Variants in C4BPA observed in about 807,000 individuals in gnomAD.
C4BPA encodes C4b-binding protein alpha chain.
A neutral mutation model predicts 63.7 loss-of-function variants in C4BPA; 31 were observed. The ratio of observed to expected loss-of-function variants is 0.49; its 90% confidence interval spans 0.37 to 0.66. The LOEUF (loss-of-function observed/expected upper bound fraction) is 0.66. C4BPA is among the 30% of genes least tolerant of loss of function. The probability of loss-of-function intolerance (pLI) is 0.00; values close to 1 mark genes in which losing one functional copy is unlikely to be tolerated. For missense variants in C4BPA, 572 were observed against 723.3 expected, an observed-to-expected ratio of 0.79 and a Z score of 2.40; for synonymous variants, 259 against 254.7, an observed-to-expected ratio of 1.02 and a Z score of -0.16.
rs1177144355 is a variant in C4BPA at position 207,144,945 on chromosome 1, C to T, written c.*228C>T. On this transcript the variant is annotated 3_prime_UTR_variant, in exon 12 of 12. Coordinates refer to ENST00000367070, the MANE Select transcript of C4BPA (RefSeq NM_000715.4). ...AACACACAAAGCACAAATTTTTTTTCGATTAAAAATGTATGTATAAAAAAC... is the reference window on the plus strand; with the variant it reads ...AACACACAAAGCACAAATTTTTTTTTGATTAAAAATGTATGTATAAAAAAC... 6 of 277,578 alleles carry T rather than the reference C, an allele frequency of 2.2e-5. No homozygotes were observed. Among genetic ancestry groups the T allele is most frequent in the African/African-American group, 4.4e-5 (2 of 45,306 alleles). The allele number at this position is 277,578 out of a possible 1,614,324, so 17.2% of individuals were successfully genotyped here. A position where few individuals can be genotyped will look rare whatever the true frequency, so the allele number is the denominator to read the frequency against.
chr1:207,112,972 C>A, intron 1 of C4BPA, 29 bp from the exon 2 acceptor site: 1 of 1,530,478 alleles, frequency 6.5e-7, no homozygotes, highest in Non-Finnish European at 8.7e-7. Context: ...AATTCAATGA[C>A]TATTTATTAA....
intron 2 of C4BPA, 78 bp downstream of exon 2, chr1:207,113,245 A>G: frequency 6.8e-7 from 1 of 1,476,570 alleles, no homozygotes; most frequent in South Asian, 1.3e-5. Context: ...GGCTAAAAAA[A>G]ATGATGACTG....
In C4BPA at chr1:207,131,662, T is replaced by C; in HGVS notation, c.1006T>C (p.Tyr336His). The C allele has an allele frequency of 1.2e-6, 2 of 1,614,004 alleles. No homozygotes were observed. The highest frequency in any genetic ancestry group is 8.5e-7 in the Non-Finnish European group (1 of 1,179,922). Residue 336 changes from tyrosine (Y) to histidine (H), a missense_variant, in exon 8 of 12, where the codon TAC (tyrosine) becomes CAC (histidine). Around this residue, in one of 2 missense-constraint regions of C4BPA, gnomAD observed 465 missense variants for 629.4 expected, o/e 0.74. Coordinates refer to ENST00000367070, the MANE Select transcript of C4BPA (RefSeq NM_000715.4). ...GTTAAGGTACCGCTGTCATCCTGGC[T>C]ACAAACCCACTACAGATGAGCCTAC... ...TVLRYRCHPG[Y>H]KPTTDEPTTV... is the part of the protein sequence containing the mutation.
At chr1:207,133,563 G>A (rs1227076027) in intron 8 of C4BPA, among the ~76,000 whole-genome samples, 1 of 152,180 alleles carries the variant, frequency 6.6e-6, no homozygotes, top group African/African-American at 2.4e-5. Context: ...AGGAGTTTGA[G>A]ATCAGCCTGG....
intron 9 of C4BPA, among the ~76,000 whole-genome samples, chr1:207,140,582 T>C (rs993560658): frequency 3.3e-5 from 5 of 152,266 alleles, no homozygotes; most frequent in African/African-American, 1.2e-4. Context: ...CTGCACCATG[T>C]CCTCTTGACT....
chr1:207,106,150 C>T (rs1424495353), intron 1 of C4BPA, among the ~76,000 whole-genome samples: 2 of 152,132 alleles, frequency 1.3e-5, no homozygotes, highest in African/African-American at 4.8e-5. Flanking sequence ...GTTCTAGCCT[C>T]CATTCCCATA....
At chr1:207,112,902 G>A in intron 1 of C4BPA, 99 bp from the exon 2 acceptor site, 3 of 1,160,232 alleles carry the variant, frequency 2.6e-6, no homozygotes, top group East Asian at 2.7e-5. Context: ...ACTCCAGGCT[G>A]TCATTTCCTT....
chr1:207,131,171 C>A (rs61821017), intron 7 of C4BPA, among the ~76,000 whole-genome samples: 1 of 152,124 alleles, frequency 6.6e-6, no homozygotes, highest in African/African-American at 2.4e-5. Context: ...ATGAGGGGAA[C>A]GGCTCCTGTT....
chr1:207,128,035 G>C (rs1020719333), intron 7 of C4BPA, among the ~76,000 whole-genome samples: 1 of 152,118 alleles, frequency 6.6e-6, no homozygotes, highest in Admixed American at 6.6e-5. Flanking sequence ...CCCCAACTCC[G>C]ATTATATGGG....
chr1:207,136,216 C>T (rs1020312585), intron 9 of C4BPA, among the ~76,000 whole-genome samples: 1 of 152,174 alleles, frequency 6.6e-6, no homozygotes, highest in Non-Finnish European at 1.5e-5. Context: ...TGCTGTTGGG[C>T]CCATGCTTGT....
chr1:207,110,157 C>T (rs960195487), intron 1 of C4BPA, among the ~76,000 whole-genome samples: 5 of 152,052 alleles, frequency 3.3e-5, no homozygotes, highest in African/African-American at 1.2e-4. Flanking sequence ...AGACCAAGTC[C>T]GAATCAGAGT....
chr1:207,144,310 C>G (rs1685484339), intron 11 of C4BPA, among the ~76,000 whole-genome samples: 1 of 152,126 alleles, frequency 6.6e-6, no homozygotes, highest in Non-Finnish European at 1.5e-5. Context: ...GGATGGTCAG[C>G]AAAAACAGCC....
At chr1:207,132,295 G>A (rs1328301460) in intron 8 of C4BPA, among the ~76,000 whole-genome samples, 1 of 152,210 alleles carries the variant, frequency 6.6e-6, no homozygotes, top group East Asian at 1.9e-4. Flanking sequence ...TCTCTGGTAG[G>A]AGACGCACCT....
At chr1:207,127,510 A>G (rs1381511460) in intron 7 of C4BPA, 1 of 152,242 alleles carries the variant, frequency 6.6e-6, no homozygotes, top group Non-Finnish European at 1.5e-5. Context: ...CAGAGGTTAA[A>G]AGACTTGCTC....
chr1:207,126,425 T>G (rs1431286836), intron 6 of C4BPA, among the ~76,000 whole-genome samples: 1 of 148,868 alleles, frequency 6.7e-6, no homozygotes, highest in Non-Finnish European at 1.5e-5. Flanking sequence ...AAAATGAGTT[T>G]CCATTACATT....
In C4BPA at chr1:207,105,499, G is replaced by A. The variant is rs144409358; in HGVS notation, c.-26+1069G>A. 5.0e-3 allele frequency among the ~76,000 whole-genome samples: 753 copies of A among 150,440 alleles called. 7 individuals carry two copies. Among genetic ancestry groups the A allele is most frequent in the African/African-American group, 0.018 (723 of 40,768 alleles). On this transcript the variant is annotated intron_variant, in intron 1 of 11. Transcript: ENST00000367070. ...TTGAACCAGGGAGGCAGAGGTTGGGGTGAGCTGAGATCGTGCCATTGCACT... is the reference window on the plus strand; with the variant it reads ...TTGAACCAGGGAGGCAGAGGTTGGGATGAGCTGAGATCGTGCCATTGCACT...
At chr1:207,108,125 A>AATTATT (rs926397784) in intron 1 of C4BPA, among the ~76,000 whole-genome samples, 1 of 151,932 alleles carries the variant, frequency 6.6e-6, no homozygotes, top group Non-Finnish European at 1.5e-5. Flanking sequence ...TTTTAACTTA[A>AATTATT]ATTATTATTA....
chr1:207,106,284 A>G (rs1306537533), intron 1 of C4BPA, among the ~76,000 whole-genome samples: 5 of 152,094 alleles, frequency 3.3e-5, no homozygotes, highest in Non-Finnish European at 4.4e-5. Flanking sequence ...TAGTCACTGT[A>G]TTATCTCTCT....
At chr1:207,126,981 C>A in intron 7 of C4BPA, 86 bp downstream of exon 7, 1 of 890,258 alleles carries the variant, frequency 1.1e-6, no homozygotes, top group Non-Finnish European at 1.7e-6. Context: ...CATGCATAGG[C>A]CTACTATGAA....
Sources: gnomAD v4.1 joint callset for allele counts (sites outside exome capture counted in the v4.1 genomes callset) on GRCh38, gnomAD v4.1.1 for gene constraint, gnomAD v4.1.1 regional missense constraint, MANE v1.5 for transcripts, NCBI Gene and HGNC (gene_info 2026-07-23, HGNC 2026-07-21) for gene names.